Variants in BIN3 observed in about 807,000 individuals in gnomAD.
The protein encoded by BIN3 is bridging integrator 3.
BIN3 carries 41 observed loss-of-function variants against 38.2 expected under a neutral mutation model. That is an observed-to-expected ratio of 1.07 (90% CI 0.84 to 1.39). The LOEUF (loss-of-function observed/expected upper bound fraction) is 1.39. Ranked by LOEUF, BIN3 falls within the 40% of genes most tolerant of loss-of-function variation. BIN3 has a pLI of 0.00. For synonymous variants in BIN3, 145 were observed against 122.6 expected (o/e 1.18, Z -1.21); for missense variants, 361 against 324.3 (o/e 1.11, Z -0.87).
intron 1 of BIN3, among the ~76,000 whole-genome samples, chr8:22,659,792 G>A (rs566266688): frequency 6.6e-6 from 1 of 152,298 alleles, no homozygotes; most frequent in East Asian, 1.9e-4. Context: ...AAAATAGGAT[G>A]GAAAATAATT....
intron 1 of BIN3, among the ~76,000 whole-genome samples, chr8:22,647,258 C>G (rs1433388310): frequency 6.6e-6 from 1 of 152,164 alleles, no homozygotes; most frequent in African/African-American, 2.4e-5. Context: ...GACCAAGAAT[C>G]AGAAACGTAG....
At position 22,649,840 on chromosome 8, in the gene BIN3, C is replaced by T. The variant is rs1015252848; in HGVS notation, c.9-5037G>A. 8.3e-5 allele frequency among the ~76,000 whole-genome samples: 11 copies of T among 132,912 alleles called. No individual in the cohort carries two copies. In the South Asian group the frequency reaches 1.0e-3, roughly 13 times the overall value. 87.2% of individuals were successfully genotyped at this position (132,912 alleles called of 152,430 possible). The stretch of plus-strand genomic sequence containing the variant: ...ACACACACACACACACACACACACA[C>T]ACACACACACACACACACCCCCAAA... On this transcript the variant is annotated intron_variant, in intron 1 of 8. Coordinates refer to ENST00000276416, the MANE Select transcript of BIN3 (RefSeq NM_018688.6).
intron 1 of BIN3, among the ~76,000 whole-genome samples, chr8:22,651,154 T>C (rs1283838519): frequency 6.6e-6 from 1 of 152,242 alleles, no homozygotes; most frequent in Non-Finnish European, 1.5e-5. Context: ...CACGCAGCAG[T>C]AATACATAAA....
At chr8:22,630,337 C>A in intron 5 of BIN3, 105 bp downstream of exon 5, 4 of 1,471,978 alleles carry the variant, frequency 2.7e-6, no homozygotes, top group Non-Finnish European at 3.7e-6. Context: ...GGGCTTAGAG[C>A]CCTGAGAGCA....
chr8:22,645,018 C>T, intron 1 of BIN3: 2 of 507,474 alleles, frequency 3.9e-6, no homozygotes, highest in Non-Finnish European at 3.6e-6. Flanking sequence ...GTGTCAGATG[C>T]AGGTTGCTCT....
At position 22,660,855 on chromosome 8, in the gene BIN3, G is replaced by T. The variant is rs143099274; in HGVS notation, c.8+8189C>A. Among the ~76,000 whole-genome samples the T allele has an allele frequency of 2.6e-5, 4 of 152,166 alleles. No individual in the cohort carries two copies. The South Asian group carries it at 8.3e-4, about 32-fold the overall frequency. ...ATGCTGTTCAGGCTCCCTGAGTATC[G>T]CACCCTGAGATTGTATTTCTTTCTT... On this transcript the variant is annotated intron_variant, in intron 1 of 8. Transcript: ENST00000276416.
At chr8:22,631,944 G>T (rs1305801941) in intron 4 of BIN3, among the ~76,000 whole-genome samples, 1 of 152,266 alleles carries the variant, frequency 6.6e-6, no homozygotes, top group East Asian at 1.9e-4. Flanking sequence ...CGGCCCTGGA[G>T]AAGGGTCATG....
In BIN3 at chr8:22,621,309, G is replaced by T; in HGVS notation, c.*113C>A. 1 of 1,392,174 alleles carries T rather than the reference G, an allele frequency of 7.2e-7. No individual in the cohort carries two copies. Among genetic ancestry groups the T allele is most frequent in the Non-Finnish European group, 9.6e-7 (1 of 1,043,898 alleles). 86.2% of individuals were successfully genotyped at this position (1,392,174 alleles called of 1,614,324 possible). ...GTCATTCATTGCAAAGGGCCGGCAA[G>T]TGAACCAGGGCCACCTCTGTCCCCA... On this transcript the variant is annotated 3_prime_UTR_variant, in exon 9 of 9. Transcript: ENST00000276416.
intron 1 of BIN3, among the ~76,000 whole-genome samples, chr8:22,649,106 C>G (rs1037034301): frequency 6.6e-6 from 1 of 152,208 alleles, no homozygotes; most frequent in African/African-American, 2.4e-5. Flanking sequence ...CTCAGTACAA[C>G]TGCCATGATT....
In BIN3 at chr8:22,621,357, C is replaced by T; in HGVS notation, c.*65G>A. ...CCAGCCTGTGAGAGGAGCAGCTAGC[C>T]CTGAGAAGGGCAAGGATGAATGAGG... On this transcript the variant is annotated 3_prime_UTR_variant, in exon 9 of 9. Transcript: ENST00000276416. The T allele has an allele frequency of 1.3e-6, 2 of 1,549,758 alleles. No homozygotes were observed. The highest frequency in any genetic ancestry group is 1.7e-6 in the Non-Finnish European group (2 of 1,146,272).
chr8:22,644,143 C>T (rs1025075165), intron 2 of BIN3, among the ~76,000 whole-genome samples: 3 of 152,260 alleles, frequency 2.0e-5, no homozygotes, highest in Admixed American at 6.5e-5. Context: ...ACTAGATGGT[C>T]TCTATGAGCT....
At chr8:22,625,365 C>G (rs758335664) in intron 6 of BIN3, 1 of 702,642 alleles carries the variant, frequency 1.4e-6, no homozygotes, top group Non-Finnish European at 2.6e-6. Flanking sequence ...GAGCTCATGA[C>G]TCTGTGGCCA....
At position 22,624,232 on chromosome 8, in the gene BIN3, T is replaced by C. The variant is rs1346068512; in HGVS notation, c.470A>G (p.Lys157Arg). The C allele has an allele frequency of 1.9e-6, 3 of 1,613,596 alleles. No homozygotes were observed. Among genetic ancestry groups the C allele is most frequent in the Admixed American group, 1.7e-5 (1 of 59,958 alleles). Residue 157 changes from lysine (K) to arginine (R), a missense_variant, in exon 7 of 9, where the codon AAG (lysine) becomes AGG (arginine). Transcript: ENST00000276416. ...EKEKTGPVLA[K>R]LHQAREELRP... ...TGTCTCCCCTGGTACCTGGTGGAGC[T>C]TGGCCAGCACTGGCCCCGTCTTCTC... is the stretch of plus-strand genomic sequence containing the variant.
intron 1 of BIN3, among the ~76,000 whole-genome samples, chr8:22,655,456 T>C (rs529372940): frequency 2.6e-5 from 4 of 152,232 alleles, no homozygotes; most frequent in Non-Finnish European, 4.4e-5. Flanking sequence ...TTTTTAAATA[T>C]GGTGTGAGGT....
chr8:22,660,925 T>A (rs1248076454), intron 1 of BIN3, among the ~76,000 whole-genome samples: 1 of 152,160 alleles, frequency 6.6e-6, no homozygotes, highest in Non-Finnish European at 1.5e-5. Context: ...TCCCTCTGTA[T>A]CCAGGCTGAG....
intron 1 of BIN3, among the ~76,000 whole-genome samples, chr8:22,647,021 G>A (rs566489925): frequency 3.3e-5 from 5 of 152,182 alleles, no homozygotes; most frequent in East Asian, 1.9e-4. Context: ...ATCAGAAAAC[G>A]TGGCCTCTGC....
intron 1 of BIN3, among the ~76,000 whole-genome samples, chr8:22,650,171 G>A (rs1802846445): frequency 6.6e-6 from 1 of 152,080 alleles, no homozygotes; most frequent in Non-Finnish European, 1.5e-5. Flanking sequence ...GTAAATCTTG[G>A]TGTGCACTAA....
chr8:22,663,835 C>G (rs185672011), intron 1 of BIN3, among the ~76,000 whole-genome samples: 5 of 152,296 alleles, frequency 3.3e-5, no homozygotes, highest in Non-Finnish European at 1.5e-5. Flanking sequence ...TGAAACAGCA[C>G]GTATTTGCTA....
intron 4 of BIN3, among the ~76,000 whole-genome samples, chr8:22,635,420 G>C (rs1298597312): frequency 6.6e-6 from 1 of 152,074 alleles, no homozygotes; most frequent in Non-Finnish European, 1.5e-5. Context: ...GGGCAGTCCT[G>C]GCCATACCCA....
Sources: gnomAD v4.1 joint callset for allele counts (sites outside exome capture counted in the v4.1 genomes callset) on GRCh38, gnomAD v4.1.1 for gene constraint, MANE v1.5 for transcripts, NCBI Gene and HGNC (gene_info 2026-07-23, HGNC 2026-07-21) for gene names.